Variants in DENND2C observed in about 807,000 individuals in gnomAD.
DENND2C encodes the protein DENN domain-containing protein 2C.
In DENND2C, 72 loss-of-function variants were observed where a neutral mutation model predicts 112.4. That is an observed-to-expected ratio of 0.64 (90% confidence interval 0.53 to 0.78). The LOEUF (loss-of-function observed/expected upper bound fraction) is 0.78, where lower values mean the gene tolerates loss of function less well. Ranked by LOEUF, DENND2C falls within the 30% of genes least tolerant of loss-of-function variation. DENND2C has a pLI of 0.00. For synonymous variants in DENND2C, 329 were observed against 381.6 expected (o/e 0.86, Z 1.61); for missense variants, 992 against 1,113.8 (o/e 0.89, Z 1.56).
At chr1:114,652,468 G>C (rs558658847) in intron 2 of DENND2C, among the ~76,000 whole-genome samples, 2 of 152,008 alleles carry the variant, frequency 1.3e-5, no homozygotes, top group Non-Finnish European at 2.9e-5. Flanking sequence ...TGTAGGAGAT[G>C]GGTAGTTAGG....
rs535902185 is a variant in DENND2C at position 114,610,468 on chromosome 1, A to C, written c.1369+605T>G. ...GTAATCCCAGCACTTTGGGAGGCCA[A>C]GGCAGGCAGATCAACGAGGTCAGGA... On this transcript the variant is annotated intron_variant, in intron 9 of 20. Coordinates refer to ENST00000393274, the MANE Select transcript of DENND2C (RefSeq NM_001256404.2). 2.0e-5 allele frequency among the ~76,000 whole-genome samples: 3 copies of C among 152,308 alleles called. No individual in the cohort carries two copies. The South Asian group carries it at 6.2e-4, about 32-fold the overall frequency.
At chr1:114,639,340 GGAGGCTGAGGCCGGTA>G (rs1006750218) in intron 3 of DENND2C, among the ~76,000 whole-genome samples, 42 of 152,122 alleles carry the variant, frequency 2.8e-4, no homozygotes, top group African/African-American at 9.9e-4. Context: ...CAGCACTTCG[GGAGGCTGAGGCCGGTA>G]GATCACGAGG....
At chr1:114,656,465 C>T (rs1657331623) in intron 1 of DENND2C, among the ~76,000 whole-genome samples, 1 of 149,186 alleles carries the variant, frequency 6.7e-6, no homozygotes. Context: ...GGTGCGATCT[C>T]GGCTCACTGT....
intron 10 of DENND2C, among the ~76,000 whole-genome samples, 187 bp downstream of exon 10, chr1:114,608,499 G>T: frequency 6.6e-6 from 1 of 152,150 alleles, no homozygotes; most frequent in East Asian, 1.9e-4. Context: ...AGCTTGTTTT[G>T]TTTTGCTTTG....
At position 114,651,276 on chromosome 1, in the gene DENND2C, TACAC is replaced by T. The variant is rs57202953; in HGVS notation, c.-317+3225_-317+3228del. On this transcript the variant is annotated intron_variant, in intron 2 of 20. Transcript: ENST00000393274. Reference sequence around the variant, plus strand: ...AACACAGTGAGACCTTCCCTACACATACACACACACACACACACACACACACACA... The same window carrying T: ...AACACAGTGAGACCTTCCCTACACATACACACACACACACACACACACACA... Among the ~76,000 whole-genome samples the T allele has an allele frequency of 4.3e-5, 6 of 139,360 alleles. No individual in the cohort carries two copies. In the East Asian group the frequency reaches 6.5e-4, roughly 15 times the overall value. 91.4% of individuals were successfully genotyped at this position (139,360 alleles called of 152,430 possible).
chr1:114,602,120 C>G lies in DENND2C; in HGVS notation c.1737+5G>C, dbSNP rs752306814. ...CCCTGTCTGTAACACAAATCTGATA[C>G]TTACCAAGAGCTTCTTACAGTAACC... On this transcript the variant is annotated splice_donor_5th_base_variant and intron_variant, in intron 12 of 20. Transcript: ENST00000393274. The G allele has an allele frequency of 1.2e-6, 2 of 1,613,756 alleles. No homozygotes were observed. Among genetic ancestry groups the G allele is most frequent in the Non-Finnish European group, 1.7e-6 (2 of 1,179,812 alleles).
intron 2 of DENND2C, among the ~76,000 whole-genome samples, chr1:114,650,183 C>T (rs1029457743): frequency 2.6e-5 from 4 of 151,784 alleles, no homozygotes; most frequent in Non-Finnish European, 2.9e-5. Context: ...ATTAGCCAGG[C>T]GTGGTGTTGC....
At chr1:114,618,027 C>T (rs1017282534) in intron 8 of DENND2C, among the ~76,000 whole-genome samples, 44 of 149,850 alleles carry the variant, frequency 2.9e-4, no homozygotes, top group Non-Finnish European at 6.1e-4. Flanking sequence ...CTTGCTCTGT[C>T]GTCCAGACTG....
intron 5 of DENND2C, 40 bp downstream of exon 5, chr1:114,623,467 T>C (rs766774855): frequency 1.3e-6 from 2 of 1,579,226 alleles, no homozygotes; most frequent in Admixed American, 1.8e-5. Context: ...TCACCAAATA[T>C]ATAATCACTA....
rs534436940 is a variant in DENND2C at position 114,668,068 on chromosome 1, G to A, written c.-574+1915C>T. On this transcript the variant is annotated intron_variant, in intron 1 of 20. Coordinates refer to ENST00000393274, the MANE Select transcript of DENND2C (RefSeq NM_001256404.2). ...CCACTTGGTAGAATGGAATCTCCTA[G>A]ATGACAGGAATTACATACTGCTCTT... is the stretch of plus-strand genomic sequence containing the variant. Among the ~76,000 whole-genome samples the A allele has an allele frequency of 5.3e-5, 8 of 152,252 alleles. 1 individual carries two copies. The East Asian group carries it at 1.5e-3, about 29-fold the overall frequency.
chr1:114,669,413 A>G (rs1159737910), intron 1 of DENND2C, among the ~76,000 whole-genome samples: 2 of 152,152 alleles, frequency 1.3e-5, no homozygotes, highest in Non-Finnish European at 2.9e-5. Flanking sequence ...TCTAATCATC[A>G]GCTGCTATAC....
chr1:114,592,402 T>C (rs1346429776), intron 18 of DENND2C, among the ~76,000 whole-genome samples: 1 of 152,210 alleles, frequency 6.6e-6, no homozygotes, highest in Non-Finnish European at 1.5e-5. Context: ...GCCTTGGCTA[T>C]TCTTGGCCCT....
chr1:114,633,468 A>AGAAG (rs1371830867), intron 3 of DENND2C, among the ~76,000 whole-genome samples: 6 of 149,306 alleles, frequency 4.0e-5, no homozygotes, highest in South Asian at 4.2e-4. Context: ...AAAAAGAAAA[A>AGAAG]GAAGGAAGGA....
rs183334936 is a variant in DENND2C, at chr1:114,657,979, G to C, written c.-573-3218C>G. ...CAGCATCTGCCAGGAAGAGGGACAG[G>C]TCTTCCACTGGAACTGAAGGTAAAT... On this transcript the variant is annotated intron_variant, in intron 1 of 20. Transcript: ENST00000393274. Among the ~76,000 whole-genome samples, 278 of 152,320 alleles carry C rather than the reference G, an allele frequency of 1.8e-3. 1 individual carries two copies. Among genetic ancestry groups the C allele is most frequent in the Non-Finnish European group, 3.0e-3 (204 of 68,024 alleles).
intron 1 of DENND2C, among the ~76,000 whole-genome samples, chr1:114,662,092 G>T (rs1217214495): frequency 1.3e-5 from 2 of 152,098 alleles, no homozygotes; most frequent in Non-Finnish European, 2.9e-5. Context: ...AGGGCCCAGG[G>T]AAAAGGAAAT....
intron 18 of DENND2C, among the ~76,000 whole-genome samples, chr1:114,590,622 CAA>C (rs1655158788): frequency 6.7e-6 from 1 of 150,202 alleles, no homozygotes; most frequent in Admixed American, 6.6e-5. Flanking sequence ...ACTAAAAATA[CAA>C]AAAATTAGCC....
chr1:114,665,271 GAAA>G (rs60777854), intron 1 of DENND2C, among the ~76,000 whole-genome samples: 12 of 119,300 alleles, frequency 1.0e-4, no homozygotes, highest in South Asian at 2.8e-4. Flanking sequence ...CCTGTCTCTT[GAAA>G]AAAAAAAAAA....
chr1:114,592,154 G>A (rs1309192677), intron 18 of DENND2C, among the ~76,000 whole-genome samples: 1 of 151,898 alleles, frequency 6.6e-6, no homozygotes, highest in East Asian at 1.9e-4. Context: ...CAAAGTGCTG[G>A]GATTATAGAT....
At chr1:114,605,081 G>A (rs1244491505) in intron 10 of DENND2C, 50 bp from the exon 11 acceptor site, 9 of 1,357,654 alleles carry the variant, frequency 6.6e-6, no homozygotes, top group Non-Finnish European at 8.1e-6. Flanking sequence ...TGTAAGTGGG[G>A]AATAGAAATA....
Sources: gnomAD v4.1 joint callset for allele counts (sites outside exome capture counted in the v4.1 genomes callset) on GRCh38, gnomAD v4.1.1 for gene constraint, MANE v1.5 for transcripts, NCBI Gene and HGNC (gene_info 2026-07-23, HGNC 2026-07-21) for gene names.